Variants in ZNF330 observed in about 807,000 individuals in gnomAD.
The protein encoded by ZNF330 is zinc finger protein 330.
In ZNF330, 31 loss-of-function variants were observed where a neutral mutation model predicts 45.5. The ratio of observed to expected loss-of-function variants is 0.68; its 90% CI spans 0.51 to 0.92. The LOEUF is 0.92. Among genes scored for constraint, ZNF330 ranks in the 40% least tolerant of loss-of-function variants. The probability of loss-of-function intolerance (pLI) is 0.00; values close to 1 mark genes in which losing one functional copy is unlikely to be tolerated. For missense variants in ZNF330, 356 were observed against 387.4 expected (o/e 0.92, Z 0.68); for synonymous variants, 138 against 123.2 (o/e 1.12, Z -0.79).
At chr4:141,224,904 G>C (rs1026812210) in intron 4 of ZNF330, among the ~76,000 whole-genome samples, 1 of 152,072 alleles carries the variant, frequency 6.6e-6, no homozygotes, top group East Asian at 1.9e-4. Context: ...GTACAATTTA[G>C]ATACAGGTTA....
chr4:141,224,635 T>C lies in ZNF330; in HGVS notation c.169T>C (p.Phe57Leu). Reference sequence around the variant, plus strand: ...GCAGAAGAATAGAGCATTTTGCTACTTTTGTAATTCTGTACAGAAGTTACC... The same window carrying C: ...GCAGAAGAATAGAGCATTTTGCTACCTTTGTAATTCTGTACAGAAGTTACC... ...RRQKNRAFCY[F>L]CNSVQKLPIC... Residue 57 changes from phenylalanine to leucine, a missense_variant, in exon 4 of 10, where the codon TTT becomes CTT. By Grantham distance (22) the Phe-to-Leu change is conservative. Transcript: ENST00000262990. 1 of 1,613,664 alleles carries C rather than the reference T, an allele frequency of 6.2e-7. No homozygotes were observed. Among genetic ancestry groups the C allele is most frequent in the Non-Finnish European group, 8.5e-7 (1 of 1,179,668 alleles).
At position 141,229,455 on chromosome 4, in the gene ZNF330, A is replaced by G. The variant is rs944094114; in HGVS notation, c.292-116A>G. On this transcript the variant is annotated intron_variant, in intron 5 of 9. Transcript: ENST00000262990. ...AAATGTTTAAATGAAGCGGCCTACTATCATTGAGGGTTGATAAATTGCTAA... is the reference window on the plus strand; with the variant it reads ...AAATGTTTAAATGAAGCGGCCTACTGTCATTGAGGGTTGATAAATTGCTAA... The G allele has an allele frequency of 1.3e-5, 18 of 1,338,482 alleles. No homozygotes were observed. In the East Asian group the frequency reaches 2.6e-4, roughly 19 times the overall value. The allele number at this position is 1,338,482 out of a possible 1,614,324, so 82.9% of individuals were successfully genotyped here.
At chr4:141,222,222 G>A (rs1728696348) in intron 1 of ZNF330, 144 bp from the exon 2 acceptor site, 1 of 933,780 alleles carries the variant, frequency 1.1e-6, no homozygotes. Context: ...GTTTCATAAG[G>A]CTTAGAATGT....
Position 141,232,552 on chromosome 4 carries a change from A to G in ZNF330, c.598A>G (p.Ser200Gly), listed in dbSNP as rs777138671. 1.9e-6 allele frequency: 3 copies of G among 1,595,386 alleles called. No homozygotes were observed. The Admixed American group carries it at 5.2e-5, about 28-fold the overall frequency. ...TTGTTTCTGTGATGATCATACAAGG[A>G]GCAAAGTGTTTAAGCAAGAAAAAGG... ...KACFCDDHTRSKVFKQEKGKQ... is the reference protein window; with the variant it reads ...KACFCDDHTRGKVFKQEKGKQ... The change falls in exon 9 of 10, where the codon AGC becomes GGC. Residue 200 changes from serine (S) to glycine (G), a missense_variant. Coordinates refer to ENST00000262990, the MANE Select transcript of ZNF330 (RefSeq NM_014487.6).
chr4:141,231,496 G>C lies in ZNF330; in HGVS notation c.570+11G>C. On this transcript the variant is annotated intron_variant, in intron 8 of 9. Transcript: ENST00000262990. ...TGTCTCCGTTGTAAGGTATACCAAT[G>C]CGTTTTTTTCTTTTTAGATTTTGTT... 1 of 1,580,526 alleles carries C rather than the reference G, an allele frequency of 6.3e-7. No individual in the cohort carries two copies. The highest frequency in any genetic ancestry group is 8.6e-7 in the Non-Finnish European group (1 of 1,165,058).
chr4:141,224,143 C>G (rs942756282), intron 2 of ZNF330: 2 of 334,970 alleles, frequency 6.0e-6, no homozygotes, highest in South Asian at 3.9e-5. Flanking sequence ...ATGTGCTTAA[C>G]GTTTCATAAG....
chr4:141,224,287 A>C (rs1728748861), intron 2 of ZNF330, among the ~76,000 whole-genome samples, 200 bp from the exon 3 acceptor site: 1 of 152,184 alleles, frequency 6.6e-6, no homozygotes, highest in Non-Finnish European at 1.5e-5. Flanking sequence ...TCTTCAGGGA[A>C]TCATATACCC....
At chr4:141,227,115 C>A (rs996470068) in intron 5 of ZNF330, among the ~76,000 whole-genome samples, 5 of 149,248 alleles carry the variant, frequency 3.4e-5, no homozygotes, top group Non-Finnish European at 6.0e-5. Context: ...CTCAGTGGTA[C>A]CTTTTTTTTT....
chr4:141,222,491 G>A lies in ZNF330; in HGVS notation c.120G>A (p.Met40Ile). ...DLAKHPCNAS[M>I]ECDKCQRRQK... The stretch of plus-strand genomic sequence containing the variant: ...CTAAACATCCATGTAATGCCTCAAT[G>A]GTATCAGCTTTTTTTGATATCAGTT... Residue 40 changes from methionine to isoleucine, a missense_variant and splice_region_variant, in exon 2 of 10, where the codon ATG (methionine) becomes ATA (isoleucine). Met to Ile is a conservative substitution (Grantham distance 10, BLOSUM62 1). Coordinates refer to ENST00000262990, the MANE Select transcript of ZNF330 (RefSeq NM_014487.6). 6.2e-7 allele frequency: 1 copy of A among 1,608,230 alleles called. No individual in the cohort carries two copies. Among genetic ancestry groups the A allele is most frequent in the South Asian group, 1.1e-5 (1 of 90,562 alleles).
chr4:141,221,636 G>GTT (rs140677133), intron 1 of ZNF330, among the ~76,000 whole-genome samples: 7 of 147,440 alleles, frequency 4.7e-5, no homozygotes, highest in African/African-American at 1.7e-4. Context: ...CACCTGTTTT[G>GTT]TTTTTTTTTT....
intron 1 of ZNF330, among the ~76,000 whole-genome samples, chr4:141,221,350 A>T (rs1294423088): frequency 6.6e-6 from 1 of 152,236 alleles, no homozygotes; most frequent in Non-Finnish European, 1.5e-5. Flanking sequence ...GCTGAGAAGA[A>T]GATTCACTCT....
At chr4:141,226,324 A>G (rs1728803141) in intron 4 of ZNF330, among the ~76,000 whole-genome samples, 1 of 152,122 alleles carries the variant, frequency 6.6e-6, no homozygotes, top group Admixed American at 6.6e-5. Context: ...GTTTGGTTTG[A>G]GGTATTATTC....
Position 141,231,446 on chromosome 4 carries a change from A to G in ZNF330, c.531A>G (p.Ser177=), listed in dbSNP as rs1728953580. 1 of 1,597,838 alleles carries G rather than the reference A, an allele frequency of 6.3e-7. No homozygotes were observed. Among genetic ancestry groups the G allele is most frequent in the Non-Finnish European group, 8.5e-7 (1 of 1,174,238 alleles). ...TTAATCTATTTCCCACAGGTGTTTC[A>G]TGCAATCGGCTTGGTCAGCACTCAT... The part of the protein sequence containing the change: ...VLEAETFKCV[S]CNRLGQHSCL... Residue 177 remains serine, a synonymous_variant, in exon 8 of 10, where the codon TCA becomes TCG. Transcript: ENST00000262990.
At position 141,222,341 on chromosome 4, in the gene ZNF330, TTTCTG is replaced by T. The variant is rs1728700063; in HGVS notation, c.-6-20_-6-16del. On this transcript the variant is annotated intron_variant, in intron 1 of 9. Transcript: ENST00000262990. The stretch of plus-strand genomic sequence containing the variant: ...TAAATGCAGTCAGTCAATTATATCT[TTTCTG>T]TTCTCTTGTGTCAAAATAGGGGAAA... 3 of 1,606,820 alleles carry T rather than the reference TTTCTG, an allele frequency of 1.9e-6. No individual in the cohort carries two copies. The highest frequency in any genetic ancestry group is 2.5e-6 in the Non-Finnish European group (3 of 1,177,518).
intron 5 of ZNF330, among the ~76,000 whole-genome samples, chr4:141,227,603 G>A (rs920995642): frequency 6.6e-6 from 1 of 152,046 alleles, no homozygotes; most frequent in Non-Finnish European, 1.5e-5. Context: ...AAACATACGT[G>A]TGCATTTGTC....
Position 141,230,053 on chromosome 4 carries a change from A to G in ZNF330, c.419-113A>G, listed in dbSNP as rs1728910851. Reference sequence around the variant, plus strand: ...TTATCAGAATAAAAATGGCTGAACAATTTTGGTGTATCTCCAAAGTAACTT... The same window carrying G: ...TTATCAGAATAAAAATGGCTGAACAGTTTTGGTGTATCTCCAAAGTAACTT... On this transcript the variant is annotated intron_variant, in intron 6 of 9. Coordinates refer to ENST00000262990, the MANE Select transcript of ZNF330 (RefSeq NM_014487.6). The G allele has an allele frequency of 5.2e-6, 4 of 773,816 alleles. No individual in the cohort carries two copies. The Admixed American group carries it at 1.0e-4, about 20-fold the overall frequency. 47.9% of individuals were successfully genotyped at this position (773,816 alleles called of 1,614,324 possible). A position where few individuals can be genotyped will look rare whatever the true frequency, so the allele number is the denominator to read the frequency against.
At chr4:141,220,565 G>A (rs879321418), upstream of ZNF330, among the ~76,000 whole-genome samples, 1 of 152,238 alleles carries the variant, frequency 6.6e-6, no homozygotes, top group African/African-American at 2.4e-5. Context: ...GAAAAGGTGG[G>A]ATGTGAGGCA....
chr4:141,223,376 C>T (rs967570875), intron 2 of ZNF330, among the ~76,000 whole-genome samples: 1 of 148,304 alleles, frequency 6.7e-6, no homozygotes, highest in Non-Finnish European at 1.5e-5. Flanking sequence ...ACCTGGGACT[C>T]GGGGACAATT....
intron 1 of ZNF330, 149 bp from the exon 2 acceptor site, chr4:141,222,217 A>G: frequency 3.4e-6 from 3 of 872,930 alleles, no homozygotes; most frequent in South Asian, 2.3e-5. Flanking sequence ...TTAACGTTTC[A>G]TAAGGCTTAG....
Sources: gnomAD v4.1 joint callset for allele counts (sites outside exome capture counted in the v4.1 genomes callset) on GRCh38, gnomAD v4.1.1 for gene constraint, MANE v1.5 for transcripts, NCBI Gene and HGNC (gene_info 2026-07-23, HGNC 2026-07-21) for gene names.